PCDH11X: variants seen among roughly 807,000 people sequenced by gnomAD.
The protein encoded by PCDH11X is protocadherin 11 X-linked, also known as protocadherin-11 X-linked.
Under a neutral mutation model 53.3 loss-of-function variants are expected in PCDH11X, and 18 were observed. The observed-to-expected ratio is 0.34, with a 90% CI of 0.23 to 0.50. PCDH11X has a LOEUF of 0.50. Among genes scored for constraint, PCDH11X ranks in the 20% least tolerant of loss-of-function variants. The pLI is 0.98. For missense variants in PCDH11X, 570 were observed against 1,032.4 expected (o/e 0.55, Z 6.14); for synonymous variants, 279 against 393.3 (o/e 0.71, Z 3.44).
intron 6 of PCDH11X, among the ~76,000 whole-genome samples, chrX:92,146,892 G>T (rs1187819981): frequency 9.1e-6 from 1 of 110,241 alleles, no homozygotes; most frequent in African/African-American, 3.3e-5. Context: ...CCAGCTACTC[G>T]GGAGGCTGAG....
intron 6 of PCDH11X, chrX:91,983,485 A>G: frequency 3.7e-6 from 2 of 540,311 alleles, no homozygotes; most frequent in South Asian, 2.4e-5. Context: ...CAAGATTGGC[A>G]TACATGGGTG....
chrX:91,981,243 C>G (rs1031694653), intron 6 of PCDH11X, among the ~76,000 whole-genome samples: 26 of 108,833 alleles, frequency 2.4e-4, no homozygotes, highest in South Asian at 7.8e-4. Context: ...TTTTATCTCA[C>G]TCCCCATTCA....
chrX:92,417,349 A>AT (rs1363033341), intron 9 of PCDH11X, among the ~76,000 whole-genome samples: 24 of 109,091 alleles, frequency 2.2e-4, no homozygotes, highest in South Asian at 7.8e-4. Context: ...AATCAGTACT[A>AT]TTTTTTTTTG....
At chrX:92,077,172 CTT>C (rs757337354) in intron 6 of PCDH11X, among the ~76,000 whole-genome samples, 8 of 111,571 alleles carry the variant, frequency 7.2e-5, no homozygotes, top group African/African-American at 2.6e-4. Flanking sequence ...TTTATACTAA[CTT>C]TGAGGACAAA....
intron 6 of PCDH11X, among the ~76,000 whole-genome samples, chrX:92,156,797 T>G (rs2065544308): frequency 8.9e-6 from 1 of 112,041 alleles, no homozygotes; most frequent in African/African-American, 3.2e-5. Context: ...TGTGTTTGTA[T>G]GTATGTGGAA....
intron 6 of PCDH11X, among the ~76,000 whole-genome samples, chrX:92,104,997 G>T (rs1467058607): frequency 2.7e-5 from 3 of 111,208 alleles, no homozygotes; most frequent in African/African-American, 9.8e-5. Flanking sequence ...CACCAAGGGT[G>T]AAGGACCAAG....
At chrX:92,135,421 G>A (rs1310627612) in intron 6 of PCDH11X, among the ~76,000 whole-genome samples, 1 of 110,301 alleles carries the variant, frequency 9.1e-6, no homozygotes, top group Non-Finnish European at 1.9e-5. Flanking sequence ...TATAGTAACA[G>A]CACTCTTTAT....
At position 92,377,884 on chromosome X, in the gene PCDH11X, TTA is replaced by T. The variant is rs199747611; in HGVS notation, c.3145-9837_3145-9836del. ...GATGTAGTGGCTTGAAAATATAAAA[TTA>T]TATATATATATATCCAAAGACAATT... On this transcript the variant is annotated intron_variant, in intron 8 of 10. Coordinates refer to ENST00000682573, the MANE Select transcript of PCDH11X (RefSeq NM_032968.5). 1.2e-4 allele frequency among the ~76,000 whole-genome samples: 13 copies of T among 104,438 alleles called. No individual in the cohort carries two copies. In the South Asian group the frequency reaches 2.2e-3, roughly 17 times the overall value. The allele number at this position is 104,438 out of a possible 115,157, so 90.7% of individuals were successfully genotyped here.
At position 92,008,057 on chromosome X, in the gene PCDH11X, C is replaced by A. The variant is rs772289775; in HGVS notation, c.3033+128784C>A. Among the ~76,000 whole-genome samples, 272 of 110,945 alleles carry A rather than the reference C, an allele frequency of 2.5e-3. 1 individual carries two copies. The highest frequency in any genetic ancestry group is 8.7e-3 in the African/African-American group (264 of 30,509). The stretch of plus-strand genomic sequence containing the variant: ...AGTCCTTCCCACCCTTCCTTCTCCT[C>A]TCTTCAAGTGGAAGAAAGGGGTGTC... On this transcript the variant is annotated intron_variant, in intron 6 of 10. Coordinates refer to ENST00000682573, the MANE Select transcript of PCDH11X (RefSeq NM_032968.5).
At chrX:92,317,594 G>A (rs2069107780) in intron 8 of PCDH11X, among the ~76,000 whole-genome samples, 1 of 110,825 alleles carries the variant, frequency 9.0e-6, no homozygotes, top group Admixed American at 9.7e-5. Context: ...TACAAATGTG[G>A]GGAATAAATC....
rs371365340 is a variant in PCDH11X at position 91,972,214 on chromosome X, T to C, written c.3033+92941T>C. Among the ~76,000 whole-genome samples the C allele has an allele frequency of 3.9e-5, 4 of 103,001 alleles. No individual in the cohort carries two copies. In the East Asian group the frequency reaches 9.3e-4, roughly 24 times the overall value. The allele number at this position is 103,001 out of a possible 115,157, so 89.4% of individuals were successfully genotyped here. A position where few individuals can be genotyped will look rare whatever the true frequency, so the allele number is the denominator to read the frequency against. ...TGATGGCCAGTGAAGATGAGCATTT[T>C]TTCATGTGTTTTTTGGCTGCATAAA... On this transcript the variant is annotated intron_variant, in intron 6 of 10. Transcript: ENST00000682573.
In PCDH11X at chrX:91,909,826, T is replaced by C. The variant is rs573499011; in HGVS notation, c.3033+30553T>C. On this transcript the variant is annotated intron_variant, in intron 6 of 10. Transcript: ENST00000682573. ...GCAAATCAAAATTATATTCAAGTTG[T>C]ACAACGTGATATTTTGATATACCTA... Among the ~76,000 whole-genome samples the C allele has an allele frequency of 1.4e-3, 155 of 111,853 alleles. 3 individuals carry two copies. The South Asian group carries it at 0.057, about 41-fold the overall frequency.
intron 6 of PCDH11X, among the ~76,000 whole-genome samples, chrX:92,111,442 T>G (rs775626507): frequency 1.8e-5 from 2 of 109,536 alleles, no homozygotes; most frequent in East Asian, 2.9e-4. Context: ...TATCTACTCA[T>G]CTTAAATAAA....
At chrX:92,262,147 A>T (rs909963787) in intron 7 of PCDH11X, among the ~76,000 whole-genome samples, 1 of 110,809 alleles carries the variant, frequency 9.0e-6, no homozygotes, top group Non-Finnish European at 1.9e-5. Context: ...AAAAAAAAAA[A>T]TGGAGAAAGC....
At chrX:92,552,767 A>C (rs1187524899) in intron 10 of PCDH11X, among the ~76,000 whole-genome samples, 3 of 110,920 alleles carry the variant, frequency 2.7e-5, no homozygotes, top group Non-Finnish European at 5.7e-5. Flanking sequence ...TTTTTCATAT[A>C]CTTTCAGCAT....
chrX:92,525,454 A>G (rs975009562), intron 10 of PCDH11X, among the ~76,000 whole-genome samples: 10 of 109,160 alleles, frequency 9.2e-5, no homozygotes, highest in Non-Finnish European at 1.7e-4. Flanking sequence ...AACATGGTGA[A>G]ACCCCATCGC....
chrX:92,421,411 T>A (rs903740260), intron 9 of PCDH11X, among the ~76,000 whole-genome samples: 4 of 112,005 alleles, frequency 3.6e-5, no homozygotes, highest in Non-Finnish European at 7.5e-5. Context: ...GGCCTCCAGC[T>A]TTATTTACGT....
chrX:92,129,745 C>T (rs2064937862), intron 6 of PCDH11X, among the ~76,000 whole-genome samples: 1 of 111,138 alleles, frequency 9.0e-6, no homozygotes, highest in Admixed American at 9.6e-5. Context: ...TACTTCTTTC[C>T]TTCAGGGGTA....
intron 6 of PCDH11X, among the ~76,000 whole-genome samples, chrX:92,121,718 CTTTATTTA>C (rs200271556): frequency 1.1e-4 from 12 of 107,617 alleles, no homozygotes; most frequent in African/African-American, 3.1e-4. Flanking sequence ...ATTGATTTTA[CTTTATTTA>C]TTTATTTATT....
Sources: gnomAD v4.1 joint callset for allele counts (sites outside exome capture counted in the v4.1 genomes callset) on GRCh38, gnomAD v4.1.1 for gene constraint, MANE v1.5 for transcripts, NCBI Gene and HGNC (gene_info 2026-07-23, HGNC 2026-07-21) for gene names.